PCDH15: variants seen among roughly 807,000 people sequenced by gnomAD.
PCDH15 encodes protocadherin-15.
In PCDH15, 129 loss-of-function variants were observed where a neutral mutation model predicts 178.5. The observed-to-expected ratio is 0.72, with a 90% confidence interval of 0.63 to 0.84. PCDH15 has a LOEUF of 0.84. Ranked by LOEUF, PCDH15 falls within the 40% of genes least tolerant of loss-of-function variation. The pLI is 0.00. For missense variants in PCDH15, 2,230 were observed against 2,099.9 expected (o/e 1.06, Z -1.21); for synonymous variants, 800 against 732.0 (o/e 1.09, Z -1.50).
At chr10:54,135,774 AT>A (rs2133100343) in intron 14 of PCDH15, among the ~76,000 whole-genome samples, 1 of 152,328 alleles carries the variant, frequency 6.6e-6, no homozygotes, top group African/African-American at 2.4e-5. Context: ...GTAACCAGAT[AT>A]TCCTGAGTTA....
chr10:54,685,623 C>T (rs2094983082), intron 1 of PCDH15, among the ~76,000 whole-genome samples: 1 of 152,112 alleles, frequency 6.6e-6, no homozygotes, highest in Non-Finnish European at 1.5e-5. Flanking sequence ...AGATGCTCAT[C>T]AAATTACAAT....
intron 3 of PCDH15, 151 bp from the exon 4 acceptor site, chr10:54,379,093 T>C: frequency 1.2e-5 from 10 of 805,516 alleles, no homozygotes; most frequent in Non-Finnish European, 2.0e-5. Context: ...AAATATTCTT[T>C]ACCAAAAGGC....
chr10:53,818,249 A>C (rs2076135096), intron 33 of PCDH15: 1 of 340,128 alleles, frequency 2.9e-6, no homozygotes, highest in East Asian at 4.3e-5. Context: ...CCATATGAGC[A>C]ACAAAACATG....
rs145535941 is a variant in PCDH15, at chr10:54,264,507, C to T, written c.877-27576G>A. Among the ~76,000 whole-genome samples, 707 of 152,088 alleles carry T rather than the reference C, an allele frequency of 4.6e-3. 4 individuals carry two copies. The highest frequency in any genetic ancestry group is 0.016 in the African/African-American group (676 of 41,486). On this transcript the variant is annotated intron_variant, in intron 8 of 37. Transcript: ENST00000644397. ...CATAAGATAAAATTGAAATCCAATA[C>T]AAAGAAGCCAGAAAAACAGTCCGAA...
At chr10:54,550,109 G>A (rs1055094452) in intron 2 of PCDH15, among the ~76,000 whole-genome samples, 1 of 152,052 alleles carries the variant, frequency 6.6e-6, no homozygotes, top group Admixed American at 6.6e-5. Context: ...TACATCAATA[G>A]ACTCATGCTT....
intron 3 of PCDH15, among the ~76,000 whole-genome samples, chr10:54,463,659 C>A (rs12243660): frequency 0.023 from 3,544 of 152,144 alleles, 142 homozygotes; most frequent in African/African-American, 0.082. Flanking sequence ...ATTTTTTTCA[C>A]CATCCTGGAA....
chr10:55,435,273 C>T (rs1005616551), intron 2 of PCDH15, among the ~76,000 whole-genome samples: 9 of 152,068 alleles, frequency 5.9e-5, no homozygotes, highest in Admixed American at 2.0e-4. Flanking sequence ...ACAACCCACA[C>T]TGGTTACCTG....
At position 54,393,314 on chromosome 10, in the gene PCDH15, C is replaced by T. The variant is rs562285440; in HGVS notation, c.158-14372G>A. 4.7e-4 allele frequency among the ~76,000 whole-genome samples: 72 copies of T among 152,304 alleles called. 1 individual carries two copies. Among genetic ancestry groups the T allele is most frequent in the Admixed American group, 4.5e-3 (69 of 15,298 alleles). On this transcript the variant is annotated intron_variant, in intron 3 of 37. Transcript: ENST00000644397. ...GAAATGATTATCATCTGAACTACTGCACTTGTGGCAAAGTTTTCTTTCTCA... is the reference window on the plus strand; with the variant it reads ...GAAATGATTATCATCTGAACTACTGTACTTGTGGCAAAGTTTTCTTTCTCA...
At chr10:53,939,731 T>C (rs373849300) in intron 24 of PCDH15, among the ~76,000 whole-genome samples, 2 of 152,116 alleles carry the variant, frequency 1.3e-5, no homozygotes, top group South Asian at 4.1e-4. Context: ...TAATACATAA[T>C]AGATGCTCAG....
At chr10:55,021,728 G>A (rs561717068) in intron 2 of PCDH15, among the ~76,000 whole-genome samples, 29 of 152,168 alleles carry the variant, frequency 1.9e-4, no homozygotes, top group Admixed American at 2.6e-4. Context: ...AATAAGTGAT[G>A]TAAATCTGTG....
intron 2 of PCDH15, among the ~76,000 whole-genome samples, chr10:55,018,789 A>C (rs1299514924): frequency 6.6e-6 from 1 of 152,120 alleles, no homozygotes; most frequent in Non-Finnish European, 1.5e-5. Context: ...CAGCTAGAAC[A>C]TTTTGTTGAC....
intron 2 of PCDH15, among the ~76,000 whole-genome samples, chr10:55,488,513 T>G (rs1054593774): frequency 8.6e-5 from 13 of 151,594 alleles, no homozygotes; most frequent in African/African-American, 2.4e-4. Flanking sequence ...TGATTTTGAC[T>G]TTGGACATTT....
At chr10:55,576,024 C>T (rs560543038) in intron 2 of PCDH15, among the ~76,000 whole-genome samples, 1 of 152,078 alleles carries the variant, frequency 6.6e-6, no homozygotes, top group Non-Finnish European at 1.5e-5. Flanking sequence ...TCACTGAATA[C>T]TCTTAGTTTA....
intron 2 of PCDH15, among the ~76,000 whole-genome samples, chr10:55,469,970 T>C (rs985458929): frequency 5.3e-5 from 8 of 152,164 alleles, no homozygotes; most frequent in African/African-American, 1.9e-4. Context: ...TTCCACTTTT[T>C]AAAAATATTG....
chr10:55,405,639 G>T (rs1050409908), intron 2 of PCDH15, among the ~76,000 whole-genome samples: 3 of 151,668 alleles, frequency 2.0e-5, no homozygotes, highest in Admixed American at 1.3e-4. Context: ...TCAAAGAAAA[G>T]ATGTAACTTC....
At position 55,225,108 on chromosome 10, in the gene PCDH15, C is replaced by CT. The variant is rs1006485485; in HGVS notation, c.-155-58458dup. The stretch of plus-strand genomic sequence containing the variant: ...TAGAGTGTAAGCTCATGAGAAGAAA[C>CT]TTTTTTTTTTTGGTTATCTTCACTA... On this transcript the variant is annotated intron_variant, in intron 1 of 5. Coordinates refer to the PCDH15 transcript ENST00000458638. Among the ~76,000 whole-genome samples the CT allele has an allele frequency of 1.3e-3, 187 of 145,782 alleles. 1 individual carries two copies. Among genetic ancestry groups the CT allele is most frequent in the African/African-American group, 4.1e-3 (159 of 39,248 alleles).
intron 2 of PCDH15, among the ~76,000 whole-genome samples, chr10:55,155,422 A>T (rs1838855437): frequency 6.7e-6 from 1 of 148,254 alleles, no homozygotes; most frequent in Admixed American, 6.8e-5. Context: ...CTAAAGTTCC[A>T]GGTTCTTGCA....
At chr10:53,965,052 G>A (rs11003953) in intron 21 of PCDH15, among the ~76,000 whole-genome samples, 10,106 of 133,112 alleles carry the variant, frequency 0.076, 987 homozygotes, top group African/African-American at 0.22. Flanking sequence ...GGTATTAATA[G>A]TACCTACATT....
At chr10:54,582,551 CTTA>C (rs1253080468) in intron 2 of PCDH15, among the ~76,000 whole-genome samples, 8 of 152,054 alleles carry the variant, frequency 5.3e-5, no homozygotes, top group African/African-American at 1.9e-4. Context: ...GGTAGGTGCT[CTTA>C]TTTTCTTTTT....
Sources: gnomAD v4.1 joint callset for allele counts (sites outside exome capture counted in the v4.1 genomes callset) on GRCh38, gnomAD v4.1.1 for gene constraint, MANE v1.5 for transcripts, NCBI Gene and HGNC (gene_info 2026-07-23, HGNC 2026-07-21) for gene names.